The following PARP15 variants were observed in gnomAD, a reference collection of about 807,000 sequenced individuals.
The protein encoded by PARP15 is protein mono-ADP-ribosyltransferase PARP15.
A neutral mutation model predicts 62.1 loss-of-function variants in PARP15; 50 were observed. The observed-to-expected ratio is 0.81, with a 90% CI of 0.64 to 1.02. The LOEUF is 1.02. Among genes scored for constraint, PARP15 ranks in the 50% least tolerant of loss-of-function variants. The pLI, the probability that PARP15 is intolerant of heterozygous loss-of-function variation, is 0.00. For synonymous variants in PARP15, 309 were observed against 293.1 expected (o/e 1.05, Z -0.55); for missense variants, 820 against 826.5 (o/e 0.99, Z 0.10).
intron 1 of PARP15, among the ~76,000 whole-genome samples, chr3:122,600,762 T>C (rs1490058648): frequency 6.6e-6 from 1 of 151,916 alleles, no homozygotes; most frequent in Non-Finnish European, 1.5e-5. Context: ...AGTATGTTTC[T>C]ATTAGTATTG....
At chr3:122,597,092 C>G (rs1201646339) in intron 1 of PARP15, among the ~76,000 whole-genome samples, 1 of 152,216 alleles carries the variant, frequency 6.6e-6, no homozygotes, top group Non-Finnish European at 1.5e-5. Flanking sequence ...GATCAAAACA[C>G]TAGCAGATTT....
intron 1 of PARP15, among the ~76,000 whole-genome samples, chr3:122,603,232 A>G (rs1365543309): frequency 6.6e-6 from 1 of 152,204 alleles, no homozygotes; most frequent in Non-Finnish European, 1.5e-5. Context: ...CCTAAAATGC[A>G]TCACCTGATC....
intron 6 of PARP15, among the ~76,000 whole-genome samples, chr3:122,617,992 T>A (rs71329290): frequency 0.18 from 27,163 of 152,198 alleles, 3,537 homozygotes; most frequent in African/African-American, 0.37. Flanking sequence ...TTGGCCTCCC[T>A]AAGTGCTGGG....
intron 1 of PARP15, among the ~76,000 whole-genome samples, chr3:122,584,420 C>T (rs950123407): frequency 6.6e-6 from 1 of 151,922 alleles, no homozygotes; most frequent in African/African-American, 2.4e-5. Context: ...TTAGTTAGTT[C>T]CTACAGAACA....
chr3:122,610,766 G>A (rs902162371), intron 3 of PARP15, 36 bp downstream of exon 3: 2 of 1,458,884 alleles, frequency 1.4e-6, no homozygotes, highest in Admixed American at 5.4e-5. Context: ...CGTATTGGGT[G>A]GCTTTGGGAA....
At chr3:122,630,608 G>A (rs1937009123) in intron 9 of PARP15, among the ~76,000 whole-genome samples, 1 of 152,090 alleles carries the variant, frequency 6.6e-6, no homozygotes, top group Non-Finnish European at 1.5e-5. Context: ...GAGCCCAGGA[G>A]GTCAAGGCTG....
At chr3:122,624,441 T>C (rs1936558930) in intron 8 of PARP15, among the ~76,000 whole-genome samples, 1 of 152,178 alleles carries the variant, frequency 6.6e-6, no homozygotes, top group Non-Finnish European at 1.5e-5. Context: ...CTCTCTGCTC[T>C]GGGGAAACTG....
chr3:122,581,322 C>T (rs1231997989), intron 1 of PARP15, among the ~76,000 whole-genome samples: 1 of 152,122 alleles, frequency 6.6e-6, no homozygotes, highest in African/African-American at 2.4e-5. Context: ...TTTGCATTCC[C>T]ACCAACAGTA....
At position 122,635,795 on chromosome 3, in the gene PARP15, G is replaced by T. The variant is rs1444603105; in HGVS notation, c.1748-16G>T. On this transcript the variant is annotated splice_polypyrimidine_tract_variant and intron_variant, in intron 11 of 11. Coordinates refer to ENST00000464300, the MANE Select transcript of PARP15 (RefSeq NM_001113523.3). ...ATTTTATATTCTTAGGAAGGTTTTTGTCTTTCTCTTTCCAGCTGTATCCTA... is the reference window on the plus strand; with the variant it reads ...ATTTTATATTCTTAGGAAGGTTTTTTTCTTTCTCTTTCCAGCTGTATCCTA... 3.8e-6 allele frequency: 6 copies of T among 1,598,704 alleles called. No individual in the cohort carries two copies. Among genetic ancestry groups the T allele is most frequent in the Admixed American group, 3.5e-5 (2 of 57,412 alleles).
intron 9 of PARP15, among the ~76,000 whole-genome samples, chr3:122,630,225 G>C (rs765516187): frequency 6.6e-6 from 1 of 152,184 alleles, no homozygotes; most frequent in Non-Finnish European, 1.5e-5. Context: ...TGCTGGGTGA[G>C]TATTCCTGGG....
At chr3:122,614,886 C>T (rs535219592) in intron 4 of PARP15, among the ~76,000 whole-genome samples, 12 of 151,846 alleles carry the variant, frequency 7.9e-5, no homozygotes, top group South Asian at 2.1e-4. Context: ...AAAAATTAGC[C>T]GGGCGTGGTG....
At chr3:122,582,124 A>G (rs1474367931) in intron 1 of PARP15, among the ~76,000 whole-genome samples, 2 of 151,970 alleles carry the variant, frequency 1.3e-5, no homozygotes, top group African/African-American at 2.4e-5. Context: ...GAGTTCTTTC[A>G]GCTTTTGCAT....
intron 1 of PARP15, among the ~76,000 whole-genome samples, chr3:122,603,978 G>T (rs1934990662): frequency 6.6e-6 from 1 of 152,230 alleles, no homozygotes; most frequent in Non-Finnish European, 1.5e-5. Flanking sequence ...TGTTGAGGAA[G>T]ATTCTGAGAC....
chr3:122,592,696 T>C (rs1934020741), intron 1 of PARP15, among the ~76,000 whole-genome samples: 1 of 151,996 alleles, frequency 6.6e-6, no homozygotes, highest in African/African-American at 2.4e-5. Flanking sequence ...TTCTAACCAT[T>C]AAACTAATGT....
chr3:122,622,876 C>A (rs1293511592), intron 8 of PARP15, among the ~76,000 whole-genome samples: 1 of 152,124 alleles, frequency 6.6e-6, no homozygotes, highest in Non-Finnish European at 1.5e-5. Flanking sequence ...CACAGATTAC[C>A]ATTAATCTAA....
intron 1 of PARP15, among the ~76,000 whole-genome samples, chr3:122,598,408 G>C (rs565495569): frequency 1.8e-4 from 28 of 152,142 alleles, no homozygotes; most frequent in Non-Finnish European, 3.7e-4. Flanking sequence ...TGCAGTCATC[G>C]TAGGCTTGAC....
chr3:122,608,837 G>A (rs1391633351), intron 2 of PARP15, among the ~76,000 whole-genome samples: 1 of 150,030 alleles, frequency 6.7e-6, no homozygotes, highest in African/African-American at 2.5e-5. Flanking sequence ...GCGCAGTCAC[G>A]GTTCACTGCA....
chr3:122,605,753 T>C (rs376411088), intron 1 of PARP15, among the ~76,000 whole-genome samples, 183 bp from the exon 2 acceptor site: 45 of 152,200 alleles, frequency 3.0e-4, no homozygotes, highest in African/African-American at 1.1e-3. Flanking sequence ...TTTTATTTAT[T>C]TATTTTTTCG....
chr3:122,605,336 T>C (rs529839964), intron 1 of PARP15, among the ~76,000 whole-genome samples: 7 of 152,062 alleles, frequency 4.6e-5, no homozygotes, highest in Non-Finnish European at 1.0e-4. Flanking sequence ...CCAGGGTACA[T>C]TTAAGTAGTA....
Sources: gnomAD v4.1 joint callset for allele counts (sites outside exome capture counted in the v4.1 genomes callset) on GRCh38, gnomAD v4.1.1 for gene constraint, MANE v1.5 for transcripts, NCBI Gene and HGNC (gene_info 2026-07-23, HGNC 2026-07-21) for gene names.